Variants in RTTN observed in about 807,000 individuals in gnomAD.
RTTN encodes rotatin.
In RTTN, 182 loss-of-function variants were observed where a neutral mutation model predicts 269.2. That is an observed-to-expected ratio of 0.68 (90% CI 0.60 to 0.76). The LOEUF (loss-of-function observed/expected upper bound fraction) is 0.76, where lower values mean the gene tolerates loss of function less well. Among genes scored for constraint, RTTN ranks in the 30% least tolerant of loss-of-function variants. The probability of loss-of-function intolerance (pLI) is 0.00; values close to 1 mark genes in which losing one functional copy is unlikely to be tolerated. For synonymous variants in RTTN, 1,006 were observed against 963.5 expected, an observed-to-expected ratio of 1.04 and a Z score of -0.82; for missense variants, 2,545 against 2,608.6, an observed-to-expected ratio of 0.98 and a Z score of 0.53.
At chr18:70,179,043 T>C (rs2061363281) in intron 10 of RTTN, among the ~76,000 whole-genome samples, 1 of 152,150 alleles carries the variant, frequency 6.6e-6, no homozygotes, top group Non-Finnish European at 1.5e-5. Flanking sequence ...AAATTAACTT[T>C]AAACATACTT....
intron 29 of RTTN, 70 bp downstream of exon 29, chr18:70,092,606 A>C: frequency 1.0e-5 from 16 of 1,527,588 alleles, no homozygotes; most frequent in Non-Finnish European, 1.4e-5. Context: ...TATATGCTTG[A>C]AATGTGTTGG....
At chr18:70,190,468 A>C (rs1042668897) in intron 9 of RTTN, 70 bp downstream of exon 9, 5 of 1,256,368 alleles carry the variant, frequency 4.0e-6, no homozygotes, top group Non-Finnish European at 4.5e-6. Flanking sequence ...AAGAGAAAAA[A>C]AGGAAAATCC....
At position 70,051,455 on chromosome 18, in the gene RTTN, G is replaced by C. The variant is rs369938294; in HGVS notation, c.5279C>G (p.Pro1760Arg). The C allele has an allele frequency of 1.2e-6, 2 of 1,613,928 alleles. No individual in the cohort carries two copies. Among genetic ancestry groups the C allele is most frequent in the African/African-American group, 1.3e-5 (1 of 75,014 alleles). ...CTTGGCCAGGGCCACGGTAACAAAC[G>C]GGAGTGTGATGGCACCAGCTTTCCT... is the stretch of plus-strand genomic sequence containing the variant. ...LLRKAGAITL[P>R]FVTVALAKHW... The change falls in exon 39 of 49, where the codon CCG becomes CGG. Residue 1760 changes from proline (P) to arginine (R), a missense_variant. By Grantham distance (103) the Pro-to-Arg change is moderately radical. Coordinates refer to ENST00000640769, the MANE Select transcript of RTTN (RefSeq NM_173630.4).
intron 41 of RTTN, among the ~76,000 whole-genome samples, chr18:70,030,479 A>T (rs957990417): frequency 3.3e-5 from 5 of 152,224 alleles, no homozygotes; most frequent in African/African-American, 1.2e-4. Flanking sequence ...TCAAGAGGGA[A>T]ATTTATACGA....
In RTTN at chr18:70,168,858, T is replaced by C; in HGVS notation, c.1686A>G (p.Lys562=). The C allele has an allele frequency of 6.2e-7, 1 of 1,600,986 alleles. No homozygotes were observed. Among genetic ancestry groups the C allele is most frequent in the Non-Finnish European group, 8.5e-7 (1 of 1,175,558 alleles). The change falls in exon 12 of 49, where the codon AAA becomes AAG. Residue 562 remains lysine, a synonymous_variant. Transcript: ENST00000640769. ...AGATATTAAAAAAGCTTTTTACCTC[T>C]TTCCCAATATCAGACAGGAAGTTAC... ...CTCNFLSDIG[K]EGEKNLLELV... is the part of the protein sequence containing the mutation.
intron 14 of RTTN, among the ~76,000 whole-genome samples, chr18:70,153,555 C>A (rs896416189): frequency 6.6e-6 from 1 of 152,040 alleles, no homozygotes; most frequent in Admixed American, 6.6e-5. Flanking sequence ...TTTACCATAC[C>A]GTCCTCAAAG....
intron 32 of RTTN, among the ~76,000 whole-genome samples, chr18:70,076,978 G>A (rs144821330): frequency 1.4e-4 from 21 of 151,752 alleles, no homozygotes; most frequent in African/African-American, 4.6e-4. Flanking sequence ...ATACTTAAAC[G>A]TACAAAACAC....
rs2144895777 is a variant in RTTN at position 70,060,031 on chromosome 18, T to G, written c.4759A>C (p.Ser1587Arg). 1 of 1,609,846 alleles carries G rather than the reference T, an allele frequency of 6.2e-7. No homozygotes were observed. Among genetic ancestry groups the G allele is most frequent in the Non-Finnish European group, 8.5e-7 (1 of 1,177,928 alleles). Reference sequence around the variant, plus strand: ...TCATGAGGTGGCCGTGGTGATGTACTTTCCTGGTGACCTATTATTGAAAAT... The same window carrying G: ...TCATGAGGTGGCCGTGGTGATGTACGTTCCTGGTGACCTATTATTGAAAAT... Reference protein sequence around the residue: ...DQFVAQGHQESTSPRPPHDSS... With the variant: ...DQFVAQGHQERTSPRPPHDSS... Residue 1587 changes from serine (S) to arginine (R), a missense_variant, in exon 36 of 49, where the codon AGT becomes CGT. By Grantham distance (110) the Ser-to-Arg change is moderately radical. Transcript: ENST00000640769.
intron 46 of RTTN, among the ~76,000 whole-genome samples, chr18:70,011,948 T>C (rs1425859603): frequency 6.8e-6 from 1 of 147,642 alleles, no homozygotes; most frequent in Non-Finnish European, 1.5e-5. Flanking sequence ...TGCTCACTGG[T>C]ATTGGTTACA....
chr18:70,036,197 T>C (rs1000980816), intron 40 of RTTN, among the ~76,000 whole-genome samples: 9 of 152,296 alleles, frequency 5.9e-5, no homozygotes, highest in East Asian at 1.9e-4. Context: ...TTACAGGGTA[T>C]ACACCCAAAG....
chr18:70,071,631 C>A (rs1483809142), intron 34 of RTTN, among the ~76,000 whole-genome samples: 1 of 152,118 alleles, frequency 6.6e-6, no homozygotes, highest in African/African-American at 2.4e-5. Flanking sequence ...GGGCGATGCC[C>A]CAAAGCTAAC....
intron 11 of RTTN, among the ~76,000 whole-genome samples, chr18:70,174,634 T>C (rs2061239009): frequency 6.6e-6 from 1 of 151,810 alleles, no homozygotes; most frequent in Non-Finnish European, 1.5e-5. Flanking sequence ...AACATCTTGC[T>C]GGTAAAATAT....
intron 23 of RTTN, chr18:70,129,572 T>C (rs572555402): frequency 6.6e-6 from 1 of 151,696 alleles, no homozygotes; most frequent in East Asian, 1.9e-4. Flanking sequence ...TGGATATCCA[T>C]ATGCAGAAAA....
chr18:70,205,495 G>A lies in RTTN; in HGVS notation c.31+133C>T. On this transcript the variant is annotated intron_variant, in intron 1 of 48. Coordinates refer to ENST00000640769, the MANE Select transcript of RTTN (RefSeq NM_173630.4). ...CAAAGTCCGAGATGGGTCCCCGGGG[G>A]CTATCCTGACAAAGCGGGGGTGAAA... 4 of 1,360,120 alleles carry A rather than the reference G, an allele frequency of 2.9e-6. No homozygotes were observed. The South Asian group carries it at 4.7e-5, about 16-fold the overall frequency. 84.3% of individuals were successfully genotyped at this position (1,360,120 alleles called of 1,614,324 possible).
chr18:70,176,800 A>C lies in RTTN; in HGVS notation c.1351T>G (p.Cys451Gly), dbSNP rs371250250. ...AAACTGATACTACTTTTATGGTAGC[A>C]CATGGTTTCTCCAAGGGCTCCCAAC... The part of the protein sequence containing the change: ...LVLGALGETM[C>G]YHKSSISLEQ... Residue 451 changes from cysteine to glycine, a missense_variant, in exon 11 of 49, where the codon TGC becomes GGC. Transcript: ENST00000640769. 37 of 1,614,032 alleles carry C rather than the reference A, an allele frequency of 2.3e-5. No homozygotes were observed. The highest frequency in any genetic ancestry group is 3.1e-5 in the Non-Finnish European group (37 of 1,179,914).
intron 44 of RTTN, among the ~76,000 whole-genome samples, chr18:70,021,615 C>T (rs2056707082): frequency 6.6e-6 from 1 of 152,112 alleles, no homozygotes; most frequent in African/African-American, 2.4e-5. Context: ...GAGACATTCC[C>T]ACCAGACCTA....
intron 14 of RTTN, among the ~76,000 whole-genome samples, chr18:70,155,943 T>C: frequency 6.6e-6 from 1 of 152,226 alleles, no homozygotes; most frequent in East Asian, 1.9e-4. Flanking sequence ...TGTCTTTACT[T>C]TAATCTCTTA....
chr18:70,082,061 T>G (rs1405950541), intron 32 of RTTN, among the ~76,000 whole-genome samples: 4 of 152,138 alleles, frequency 2.6e-5, no homozygotes, highest in Non-Finnish European at 4.4e-5. Flanking sequence ...CCTATAAATC[T>G]AAGTTTTTTC....
At chr18:70,112,171 G>C (rs1031264615) in intron 27 of RTTN, among the ~76,000 whole-genome samples, 4 of 152,086 alleles carry the variant, frequency 2.6e-5, no homozygotes, top group Non-Finnish European at 5.9e-5. Flanking sequence ...AATATGGAAA[G>C]GAAAAACCGG....
Sources: allele counts gnomAD v4.1 joint callset (sites outside exome capture counted in the v4.1 genomes callset), GRCh38; gene constraint gnomAD v4.1.1; transcripts MANE v1.5; gene names NCBI Gene and HGNC (gene_info 2026-07-23, HGNC 2026-07-21).